FAM240B: variants seen among roughly 807,000 people sequenced by gnomAD.
The protein encoded by FAM240B is family with sequence similarity 240 member B, also known as protein FAM240B.
chr9:38,707,490 C>A (rs1051149164), intron 1 of FAM240B, among the ~76,000 whole-genome samples: 13 of 151,866 alleles, frequency 8.6e-5, no homozygotes, highest in African/African-American at 3.1e-4. Flanking sequence ...GAACCTGGGC[C>A]AGACGTGGTG....
Position 38,714,713 on chromosome 9 carries a change from T to A in FAM240B, c.-4+5309A>T, listed in dbSNP as rs180674381. ...GAAAACTGAAGACTAGCTCAAATTC[T>A]GGAATATTTTACAAAATATGTGAAC... is the stretch of plus-strand genomic sequence containing the variant. On this transcript the variant is annotated intron_variant, in intron 1 of 2. Transcript: ENST00000637493. 1.9e-3 allele frequency among the ~76,000 whole-genome samples: 284 copies of A among 152,358 alleles called. 1 individual carries two copies. The highest frequency in any genetic ancestry group is 3.1e-3 in the Non-Finnish European group (214 of 68,044).
chr9:38,696,657 A>G (rs1821073279), intron 2 of FAM240B, among the ~76,000 whole-genome samples: 1 of 152,106 alleles, frequency 6.6e-6, no homozygotes, highest in African/African-American at 2.4e-5. Context: ...AAAACAAAAA[A>G]AAATAAATTA....
chr9:38,694,910 TC>T, intron 2 of FAM240B, 41 bp from the exon 3 acceptor site: 1 of 398,642 alleles, frequency 2.5e-6, no homozygotes, highest in Non-Finnish European at 4.4e-6. Flanking sequence ...TGCATTTGTC[TC>T]CAGCTGTGCT....
At chr9:38,705,302 A>C (rs1821175882) in intron 1 of FAM240B, 1 of 152,616 alleles carries the variant, frequency 6.6e-6, no homozygotes, top group Middle Eastern at 3.4e-3. Context: ...ACAGCTTCAG[A>C]GAAGAGGCTG....
At chr9:38,698,112 G>A (rs955236927) in intron 2 of FAM240B, among the ~76,000 whole-genome samples, 1 of 152,196 alleles carries the variant, frequency 6.6e-6, no homozygotes, top group Non-Finnish European at 1.5e-5. Context: ...AATATTTACT[G>A]ACTGGTTCCT....
chr9:38,715,749 G>C (rs1821297523), intron 1 of FAM240B, among the ~76,000 whole-genome samples: 1 of 152,134 alleles, frequency 6.6e-6, no homozygotes, highest in African/African-American at 2.4e-5. Context: ...TTGGCCTTTG[G>C]GTCACTAGTT....
At chr9:38,706,952 G>A (rs1459651743) in intron 1 of FAM240B, among the ~76,000 whole-genome samples, 1 of 152,194 alleles carries the variant, frequency 6.6e-6, no homozygotes, top group Non-Finnish European at 1.5e-5. Context: ...TGTGGGTTTT[G>A]TTCAGGCTCC....
chr9:38,717,568 C>A (rs1029969646), intron 1 of FAM240B, among the ~76,000 whole-genome samples: 1 of 152,190 alleles, frequency 6.6e-6, no homozygotes. Flanking sequence ...GCAAGCTCCG[C>A]CTCCCGGGTT....
intron 1 of FAM240B, among the ~76,000 whole-genome samples, chr9:38,714,786 A>G (rs1306929727): frequency 6.6e-6 from 1 of 152,224 alleles, no homozygotes; most frequent in Non-Finnish European, 1.5e-5. Context: ...AGACTGAGAA[A>G]CGGTCACAGA....
chr9:38,695,304 C>G (rs1187363999), intron 2 of FAM240B, among the ~76,000 whole-genome samples: 1 of 152,178 alleles, frequency 6.6e-6, no homozygotes, highest in African/African-American at 2.4e-5. Context: ...GGATCGCGCA[C>G]GAGGTCAGGA....
At chr9:38,697,818 T>C (rs1000432318) in intron 2 of FAM240B, among the ~76,000 whole-genome samples, 2 of 152,234 alleles carry the variant, frequency 1.3e-5, no homozygotes, top group East Asian at 1.9e-4. Flanking sequence ...TGACATCTCA[T>C]TGGTAGCTTG....
rs571782041 is a variant in FAM240B, at chr9:38,715,711, A to G, written c.-4+4311T>C. Among the ~76,000 whole-genome samples the G allele has an allele frequency of 3.3e-3, 510 of 152,364 alleles. 4 individuals carry two copies. Among genetic ancestry groups the G allele is most frequent in the African/African-American group, 0.012 (488 of 41,588 alleles). On this transcript the variant is annotated intron_variant, in intron 1 of 2. Transcript: ENST00000637493. ...ACAGACATTTCAAAGCTCTGTGCAG[A>G]GCATCAGAATATGTCTGTTGGCTGG... is the stretch of plus-strand genomic sequence containing the variant.
chr9:38,712,100 G>A (rs905845815), intron 1 of FAM240B, among the ~76,000 whole-genome samples: 1 of 152,064 alleles, frequency 6.6e-6, no homozygotes, highest in Non-Finnish European at 1.5e-5. Context: ...ATACAACATC[G>A]TCTGGGCAAT....
intron 1 of FAM240B, among the ~76,000 whole-genome samples, chr9:38,719,207 T>C (rs145369005): frequency 1.1e-3 from 170 of 152,242 alleles, no homozygotes; most frequent in Admixed American, 2.4e-3. Context: ...AAGGAGACTG[T>C]TCTTCGATAA....
intron 1 of FAM240B, among the ~76,000 whole-genome samples, chr9:38,719,226 T>C (rs1821344728): frequency 6.6e-6 from 1 of 152,034 alleles, no homozygotes; most frequent in South Asian, 2.1e-4. Flanking sequence ...AAATAAGCAA[T>C]TCTGTTTCTC....
chr9:38,713,477 C>CAA (rs1311208821), intron 1 of FAM240B, among the ~76,000 whole-genome samples: 43 of 13,918 alleles, frequency 3.1e-3, no homozygotes, highest in African/African-American at 5.9e-3. Flanking sequence ...GACTCCGTTT[C>CAA]AAACAAAAAA....
At chr9:38,703,321 G>T (rs62540087) in intron 2 of FAM240B, among the ~76,000 whole-genome samples, 20,906 of 152,130 alleles carry the variant, frequency 0.14, 1,613 homozygotes, top group East Asian at 0.22. Context: ...CAGACCAACC[G>T]ATCTCAAGTC....
rs1013157359 is a variant in FAM240B, at chr9:38,703,895, T to C, written c.105A>G (p.Glu35=). 5.0e-6 allele frequency: 2 copies of C among 400,466 alleles called. No homozygotes were observed. Among genetic ancestry groups the C allele is most frequent in the Admixed American group, 8.8e-5 (2 of 22,710 alleles). 24.8% of individuals were successfully genotyped at this position (400,466 alleles called of 1,614,324 possible). A position where few individuals can be genotyped will look rare whatever the true frequency, so the allele number is the denominator to read the frequency against. ...KEISKQTFYR[E]LEEDRQERSA... ...TTCTTTCTTGACGATCTTCCTCCAG[T>C]TCTCGGTAAAAAGTCTGTTTGCTAA... is the stretch of plus-strand genomic sequence containing the variant. Residue 35 remains glutamate (E), a synonymous_variant, in exon 2 of 3, where the codon GAA becomes GAG. Coordinates refer to ENST00000637493, the MANE Select transcript of FAM240B (RefSeq NM_001394922.1).
At chr9:38,704,969 A>G (rs897096077) in intron 1 of FAM240B, among the ~76,000 whole-genome samples, 2 of 152,226 alleles carry the variant, frequency 1.3e-5, no homozygotes, top group African/African-American at 4.8e-5. Flanking sequence ...GGAAATGGGT[A>G]TGTCCGGGGC....
Sources: allele counts gnomAD v4.1 joint callset (sites outside exome capture counted in the v4.1 genomes callset), GRCh38; gene constraint gnomAD v4.1.1; transcripts MANE v1.5; gene names NCBI Gene and HGNC (gene_info 2026-07-23, HGNC 2026-07-21).